The following CDH13 variants were observed in gnomAD, a reference collection of about 807,000 sequenced individuals.
CDH13 encodes the protein cadherin 13, also known as cadherin-13.
Under a neutral mutation model 63.8 loss-of-function variants are expected in CDH13, and 24 were observed. The observed-to-expected ratio is 0.38, with a 90% CI of 0.27 to 0.53. The LOEUF (loss-of-function observed/expected upper bound fraction) is 0.53, where lower values mean the gene tolerates loss of function less well. CDH13 is among the 20% of genes least tolerant of loss of function. The probability of loss-of-function intolerance (pLI) is 0.85; values close to 1 mark genes in which losing one functional copy is unlikely to be tolerated. For missense variants in CDH13, 1,049 were observed against 903.1 expected, an observed-to-expected ratio of 1.16 and a Z score of -2.07; for synonymous variants, 503 against 355.3, an observed-to-expected ratio of 1.42 and a Z score of -4.67.
At chr16:82,817,589 AG>A (rs1444308585) in intron 1 of CDH13, among the ~76,000 whole-genome samples, 3 of 152,130 alleles carry the variant, frequency 2.0e-5, no homozygotes, top group Admixed American at 6.6e-5. Context: ...GGATCACCTG[AG>A]GTCAGGAGTT....
intron 6 of CDH13, among the ~76,000 whole-genome samples, chr16:83,354,058 G>A (rs1185617123): frequency 1.3e-5 from 2 of 152,214 alleles, no homozygotes; most frequent in Non-Finnish European, 2.9e-5. Context: ...AGCATTTGTA[G>A]CTTCAGAAAT....
chr16:83,448,801 G>A (rs1273479088), intron 6 of CDH13, among the ~76,000 whole-genome samples: 3 of 152,136 alleles, frequency 2.0e-5, no homozygotes, highest in Non-Finnish European at 4.4e-5. Context: ...GATTTGGGGA[G>A]GATAGGGTGG....
chr16:82,687,844 C>T (rs1915236064), intron 1 of CDH13, among the ~76,000 whole-genome samples: 1 of 152,042 alleles, frequency 6.6e-6, no homozygotes, highest in Admixed American at 6.6e-5. Context: ...AACTGGCTGT[C>T]CTCGGGGGTA....
intron 7 of CDH13, among the ~76,000 whole-genome samples, chr16:83,511,434 C>T (rs1049134086): frequency 6.6e-6 from 1 of 151,786 alleles, no homozygotes; most frequent in Non-Finnish European, 1.5e-5. Context: ...TGCACAGCAG[C>T]CTGGGGGACA....
chr16:82,919,246 G>A (rs2042083470), intron 2 of CDH13, among the ~76,000 whole-genome samples: 1 of 152,122 alleles, frequency 6.6e-6, no homozygotes, highest in South Asian at 2.1e-4. Context: ...AATATATGCA[G>A]GTTAGTTATA....
At chr16:82,869,598 A>G (rs1399266639) in intron 2 of CDH13, among the ~76,000 whole-genome samples, 3 of 152,202 alleles carry the variant, frequency 2.0e-5, no homozygotes, top group Admixed American at 2.0e-4. Context: ...ACAAAGCTAT[A>G]GTAACTAAAA....
intron 5 of CDH13, among the ~76,000 whole-genome samples, chr16:83,288,210 TCTC>T (rs1373912764): frequency 6.6e-6 from 1 of 152,210 alleles, no homozygotes; most frequent in Non-Finnish European, 1.5e-5. Context: ...TCCTCACTCA[TCTC>T]CTCTAGCCCA....
At chr16:83,339,569 A>G (rs2090676664) in intron 5 of CDH13, among the ~76,000 whole-genome samples, 2 of 152,136 alleles carry the variant, frequency 1.3e-5, no homozygotes, top group African/African-American at 2.4e-5. Flanking sequence ...CACAAAAACC[A>G]GGATACGGAG....
intron 1 of CDH13, among the ~76,000 whole-genome samples, chr16:82,635,967 A>T (rs1908606109): frequency 6.6e-6 from 1 of 151,914 alleles, no homozygotes; most frequent in African/African-American, 2.4e-5. Flanking sequence ...CACGATTGTA[A>T]GTTTCCTGAG....
intron 5 of CDH13, among the ~76,000 whole-genome samples, chr16:83,338,271 C>T (rs1009218271): frequency 6.6e-6 from 1 of 151,234 alleles, no homozygotes; most frequent in Non-Finnish European, 1.5e-5. Context: ...TTTAAGGCTA[C>T]AGAGTCCACC....
At chr16:83,473,229 A>G (rs1393079591) in intron 6 of CDH13, among the ~76,000 whole-genome samples, 1 of 152,202 alleles carries the variant, frequency 6.6e-6, no homozygotes, top group African/African-American at 2.4e-5. Flanking sequence ...CATTGCTCGC[A>G]TCAATCACAG....
intron 5 of CDH13, among the ~76,000 whole-genome samples, chr16:83,227,512 C>T (rs2039876692): frequency 6.6e-6 from 1 of 152,122 alleles, no homozygotes. Context: ...CAAATGTGTC[C>T]CATGTCGTCA....
At chr16:82,797,907 C>G (rs2036667883) in intron 1 of CDH13, among the ~76,000 whole-genome samples, 1 of 151,990 alleles carries the variant, frequency 6.6e-6, no homozygotes, top group African/African-American at 2.4e-5. Context: ...CTCAGAAGAC[C>G]TTTGCAATAT....
intron 3 of CDH13, among the ~76,000 whole-genome samples, chr16:83,100,834 C>A (rs2034439799): frequency 6.6e-6 from 1 of 152,140 alleles, no homozygotes; most frequent in South Asian, 2.1e-4. Context: ...AAATTTCAGC[C>A]CTCAGCCACT....
At chr16:83,063,282 G>C (rs1055454900) in intron 3 of CDH13, among the ~76,000 whole-genome samples, 1 of 152,078 alleles carries the variant, frequency 6.6e-6, no homozygotes, top group East Asian at 1.9e-4. Context: ...CTTTTAAAGG[G>C]AGCAGGTCAA....
chr16:83,400,692 A>C (rs559933511), intron 6 of CDH13, among the ~76,000 whole-genome samples: 2 of 152,324 alleles, frequency 1.3e-5, no homozygotes, highest in African/African-American at 4.8e-5. Context: ...CCCTGAAAAC[A>C]CAGGATCAAG....
At chr16:83,280,611 A>G (rs12922721) in intron 5 of CDH13, among the ~76,000 whole-genome samples, 74,030 of 151,960 alleles carry the variant, frequency 0.49, 19,185 homozygotes, top group Middle Eastern at 0.64. Context: ...CTAGAACAGT[A>G]AATTCTTTCC....
chr16:83,791,162 G>C (rs1345905910), intron 13 of CDH13, among the ~76,000 whole-genome samples: 1 of 151,116 alleles, frequency 6.6e-6, no homozygotes, highest in Non-Finnish European at 1.5e-5. Flanking sequence ...CTGAAAAAAA[G>C]AAAAAAAAGC....
chr16:83,058,290 A>G (rs1178606387), intron 3 of CDH13, among the ~76,000 whole-genome samples: 3 of 152,128 alleles, frequency 2.0e-5, no homozygotes. Context: ...CGCTGCACTC[A>G]TCAAATAAAG....
Sources: gnomAD v4.1 joint callset for allele counts (sites outside exome capture counted in the v4.1 genomes callset) on GRCh38, gnomAD v4.1.1 for gene constraint, MANE v1.5 for transcripts, NCBI Gene and HGNC (gene_info 2026-07-23, HGNC 2026-07-21) for gene names.